Variants in RAB8B observed in about 807,000 individuals in gnomAD.
The protein encoded by RAB8B is RAB8B, member RAS oncogene family, also known as ras-related protein Rab-8B.
RAB8B carries 11 observed loss-of-function variants against 32.0 expected under a neutral mutation model. The ratio of observed to expected loss-of-function variants is 0.34; its 90% CI spans 0.22 to 0.57. The LOEUF (loss-of-function observed/expected upper bound fraction) is 0.57, where lower values mean the gene tolerates loss of function less well. Among genes scored for constraint, RAB8B ranks in the 20% least tolerant of loss-of-function variants. The pLI, the probability that RAB8B is intolerant of heterozygous loss-of-function variation, is 0.86. For synonymous variants in RAB8B, 103 were observed against 89.6 expected (o/e 1.15, Z -0.85); for missense variants, 190 against 258.5 (o/e 0.73, Z 1.82).
intron 1 of RAB8B, among the ~76,000 whole-genome samples, chr15:63,214,750 A>C (rs1182324003): frequency 6.6e-6 from 1 of 152,070 alleles, no homozygotes; most frequent in Non-Finnish European, 1.5e-5. Flanking sequence ...GTAACCCTTG[A>C]GCTGTGGGGG....
chr15:63,209,556 A>G (rs2037730068), intron 1 of RAB8B, among the ~76,000 whole-genome samples: 1 of 152,120 alleles, frequency 6.6e-6, no homozygotes, highest in Non-Finnish European at 1.5e-5. Flanking sequence ...ACACCACTGC[A>G]CTCCAGCCTG....
At chr15:63,191,925 A>T (rs1206967310) in intron 1 of RAB8B, among the ~76,000 whole-genome samples, 1 of 152,184 alleles carries the variant, frequency 6.6e-6, no homozygotes, top group Non-Finnish European at 1.5e-5. Context: ...CTATCAGTGG[A>T]TTTCAAAAAA....
chr15:63,215,475 A>G (rs912002045), intron 1 of RAB8B, among the ~76,000 whole-genome samples: 1 of 152,216 alleles, frequency 6.6e-6, no homozygotes, highest in Non-Finnish European at 1.5e-5. Flanking sequence ...TATCTTTGTC[A>G]TACTGTATTT....
intron 1 of RAB8B, among the ~76,000 whole-genome samples, chr15:63,221,437 T>A (rs1417509889): frequency 5.3e-5 from 8 of 152,166 alleles, no homozygotes. Flanking sequence ...TGAATGGCCA[T>A]GTCAGTGGTT....
At chr15:63,229,563 C>A (rs538282031) in intron 1 of RAB8B, among the ~76,000 whole-genome samples, 1 of 152,152 alleles carries the variant, frequency 6.6e-6, no homozygotes, top group African/African-American at 2.4e-5. Flanking sequence ...GGGCAGATTG[C>A]CTGAGGTCAG....
At chr15:63,218,501 T>C (rs2037812884) in intron 1 of RAB8B, among the ~76,000 whole-genome samples, 1 of 152,236 alleles carries the variant, frequency 6.6e-6, no homozygotes, top group Admixed American at 6.5e-5. Context: ...CTCATTTTGT[T>C]TGGCTGCATT....
At chr15:63,253,394 G>A (rs990360084) in intron 3 of RAB8B, among the ~76,000 whole-genome samples, 1 of 152,150 alleles carries the variant, frequency 6.6e-6, no homozygotes, top group African/African-American at 2.4e-5. Flanking sequence ...AGACCTGGAA[G>A]GACTTCCCCT....
intron 1 of RAB8B, among the ~76,000 whole-genome samples, chr15:63,238,466 T>C (rs2038003038): frequency 6.6e-6 from 1 of 152,150 alleles, no homozygotes; most frequent in Admixed American, 6.5e-5. Context: ...TCTTATTTTC[T>C]AGTTCTTAGC....
chr15:63,208,368 A>G (rs2037716615), intron 1 of RAB8B, among the ~76,000 whole-genome samples: 1 of 152,180 alleles, frequency 6.6e-6, no homozygotes, highest in Non-Finnish European at 1.5e-5. Context: ...TGGAATTAAA[A>G]TGCCTCTTTA....
chr15:63,259,558 A>T lies in RAB8B; in HGVS notation c.415-69A>T. The T allele has an allele frequency of 1.4e-6, 2 of 1,387,258 alleles. No homozygotes were observed. Among genetic ancestry groups the T allele is most frequent in the Non-Finnish European group, 2.0e-6 (2 of 984,750 alleles). 85.9% of individuals were successfully genotyped at this position (1,387,258 alleles called of 1,614,324 possible). A position where few individuals can be genotyped will look rare whatever the true frequency, so the allele number is the denominator to read the frequency against. ...CTACCTTTGAGACTTTGAAAAACCTAAGAAATACAAATGCATTATGTGTTC... is the reference window on the plus strand; with the variant it reads ...CTACCTTTGAGACTTTGAAAAACCTTAGAAATACAAATGCATTATGTGTTC... On this transcript the variant is annotated intron_variant, in intron 5 of 7. Coordinates refer to ENST00000321437, the MANE Select transcript of RAB8B (RefSeq NM_016530.3). This position sits in a 1 kb window ranked among gnomAD's most constrained non-coding sequence, Gnocchi z 4.4.
intron 1 of RAB8B, among the ~76,000 whole-genome samples, chr15:63,227,936 CTTTCT>C (rs2037902739): frequency 6.7e-6 from 1 of 149,690 alleles, no homozygotes; most frequent in African/African-American, 2.5e-5. Context: ...CTTTCCTTTC[CTTTCT>C]TTTCTTCCTT....
At chr15:63,258,480 G>T (rs2038176188) in intron 5 of RAB8B, among the ~76,000 whole-genome samples, 1 of 152,182 alleles carries the variant, frequency 6.6e-6, no homozygotes, top group East Asian at 1.9e-4. Flanking sequence ...CAAGATAATG[G>T]TAGTTTTACC....
chr15:63,196,262 G>T (rs1567007244), intron 1 of RAB8B, among the ~76,000 whole-genome samples: 1 of 152,200 alleles, frequency 6.6e-6, no homozygotes, highest in Non-Finnish European at 1.5e-5. Context: ...AAGCAGGCAT[G>T]GCCATCAAGG....
chr15:63,205,978 G>C (rs1200023201), intron 1 of RAB8B, among the ~76,000 whole-genome samples: 1 of 152,216 alleles, frequency 6.6e-6, no homozygotes, highest in East Asian at 1.9e-4. Context: ...TGGAGGACAG[G>C]AACTGTAACT....
chr15:63,250,429 C>T (rs189626074), intron 3 of RAB8B, among the ~76,000 whole-genome samples: 106 of 152,266 alleles, frequency 7.0e-4, no homozygotes, highest in Non-Finnish European at 1.1e-3. Context: ...GGCTCATCTC[C>T]CTGTCATCCC....
chr15:63,250,415 C>T (rs113566244), intron 3 of RAB8B, among the ~76,000 whole-genome samples: 8 of 152,328 alleles, frequency 5.3e-5, no homozygotes, highest in African/African-American at 1.9e-4. Context: ...ACATCCACTG[C>T]TGTGGCTCAT....
chr15:63,196,016 A>C (rs963050174), intron 1 of RAB8B, among the ~76,000 whole-genome samples: 5 of 152,096 alleles, frequency 3.3e-5, no homozygotes, highest in Non-Finnish European at 5.9e-5. Flanking sequence ...TGTGATGTGG[A>C]CCCTGGATTG....
At chr15:63,193,206 G>GGAGACAGAGCA (rs1381417436) in intron 1 of RAB8B, among the ~76,000 whole-genome samples, 6 of 152,082 alleles carry the variant, frequency 3.9e-5, no homozygotes, top group African/African-American at 1.4e-4. Context: ...CTCCAGCCTG[G>GGAGACAGAGCA]GAGACAGAGC....
At chr15:63,235,547 C>T (rs1375394178) in intron 1 of RAB8B, among the ~76,000 whole-genome samples, 1 of 150,886 alleles carries the variant, frequency 6.6e-6, no homozygotes, top group Admixed American at 6.6e-5. Context: ...AGTCAAAGTC[C>T]CCTATGAATC....
Sources: gnomAD v4.1 joint callset for allele counts (sites outside exome capture counted in the v4.1 genomes callset) on GRCh38, gnomAD v4.1.1 for gene constraint, Gnocchi (gnomAD v3.1) non-coding constraint, MANE v1.5 for transcripts, NCBI Gene and HGNC (gene_info 2026-07-23, HGNC 2026-07-21) for gene names.